Variants in WDHD1 observed in about 807,000 individuals in gnomAD.
WDHD1 encodes the protein WD repeat and HMG-box DNA binding protein 1.
A neutral mutation model predicts 135.4 loss-of-function variants in WDHD1; 111 were observed. The observed-to-expected ratio is 0.82, with a 90% CI of 0.70 to 0.96. The LOEUF is 0.96. Ranked by LOEUF, WDHD1 falls within the 40% of genes least tolerant of loss-of-function variation. WDHD1 has a pLI of 0.00. For synonymous variants in WDHD1, 434 were observed against 439.0 expected (o/e 0.99, Z 0.14); for missense variants, 1,351 against 1,336.3 (o/e 1.01, Z -0.17).
chr14:55,022,202 A>G (rs192659588), intron 2 of WDHD1, among the ~76,000 whole-genome samples: 22 of 152,356 alleles, frequency 1.4e-4, no homozygotes, highest in Non-Finnish European at 2.4e-4. Flanking sequence ...ACAAAGCATC[A>G]GTGAAACCAA....
chr14:55,014,518 TAATA>T (rs2042228703), intron 2 of WDHD1, among the ~76,000 whole-genome samples: 1 of 152,190 alleles, frequency 6.6e-6, no homozygotes, highest in East Asian at 1.9e-4. Flanking sequence ...ACAGAAACCT[TAATA>T]AATGTTTGTT....
chr14:54,984,195 C>G (rs1427261875), intron 15 of WDHD1, among the ~76,000 whole-genome samples: 1 of 152,146 alleles, frequency 6.6e-6, no homozygotes, highest in East Asian at 1.9e-4. Context: ...AATGAGAATT[C>G]TCATGAAGAG....
intron 12 of WDHD1, among the ~76,000 whole-genome samples, chr14:54,989,962 C>T (rs1291880515): frequency 6.6e-6 from 1 of 152,162 alleles, no homozygotes; most frequent in East Asian, 1.9e-4. Flanking sequence ...TCACGCCCGG[C>T]AGAGGCAACA....
chr14:55,022,551 G>A (rs1331067353), intron 2 of WDHD1, among the ~76,000 whole-genome samples: 1 of 152,000 alleles, frequency 6.6e-6, no homozygotes, highest in Non-Finnish European at 1.5e-5. Context: ...GTGTGGTGGT[G>A]TATGCCTGTA....
intron 23 of WDHD1, among the ~76,000 whole-genome samples, chr14:54,956,775 G>T (rs1595064440): frequency 6.6e-6 from 1 of 152,118 alleles, no homozygotes; most frequent in Non-Finnish European, 1.5e-5. Flanking sequence ...GTTTTTTTCA[G>T]ATGGGGTATC....
Position 54,939,000 on chromosome 14 carries a change from T to C in WDHD1, c.*2490A>G, listed in dbSNP as rs1794113027. 6.6e-6 allele frequency: 1 copy of C among 152,140 alleles called. No homozygotes were observed. The highest frequency in any genetic ancestry group is 1.5e-5 in the Non-Finnish European group (1 of 68,034). The allele number at this position is 152,140 out of a possible 1,614,324, so 9.4% of individuals were successfully genotyped here. A position where few individuals can be genotyped will look rare whatever the true frequency, so the allele number is the denominator to read the frequency against. Reference sequence around the variant, plus strand: ...AGGGTACATGCTGGGAACTGAGGGATGAAGTATATGCATATTCCAAATGGT... The same window carrying C: ...AGGGTACATGCTGGGAACTGAGGGACGAAGTATATGCATATTCCAAATGGT... On this transcript the variant is annotated 3_prime_UTR_variant, in exon 26 of 26. Transcript: ENST00000360586.
In WDHD1 at chr14:54,962,885, C is replaced by G. The variant is rs558233670; in HGVS notation, c.2532-32G>C. 2.5e-6 allele frequency: 4 copies of G among 1,610,570 alleles called. No individual in the cohort carries two copies. The East Asian group carries it at 8.9e-5, about 36-fold the overall frequency. ...GAAAATAATATTATTCAATAAAGAG[C>G]TATGCAAAGACCAACTTAACATTCA... On this transcript the variant is annotated intron_variant, in intron 19 of 25. Transcript: ENST00000360586.
intron 24 of WDHD1, among the ~76,000 whole-genome samples, chr14:54,951,595 T>G (rs2041054513): frequency 6.6e-6 from 1 of 152,226 alleles, no homozygotes; most frequent in African/African-American, 2.4e-5. Context: ...TTACCATTCC[T>G]TCTGAAACTA....
intron 18 of WDHD1, among the ~76,000 whole-genome samples, chr14:54,965,518 T>C (rs939600373): frequency 3.7e-4 from 56 of 152,266 alleles, no homozygotes; most frequent in African/African-American, 1.3e-3. Flanking sequence ...TACTCAAACT[T>C]TGTAAAATAA....
intron 2 of WDHD1, among the ~76,000 whole-genome samples, chr14:55,015,379 CAAAAAAAAAAAA>C (rs60609405): frequency 3.7e-5 from 2 of 54,454 alleles, no homozygotes; most frequent in Non-Finnish European, 6.0e-5. Context: ...GACACTGTCT[CAAAAAAAAAAAA>C]AAAAAAAAAA....
chr14:55,020,520 T>C (rs1198879780), intron 2 of WDHD1, among the ~76,000 whole-genome samples: 2 of 152,214 alleles, frequency 1.3e-5, no homozygotes, highest in Non-Finnish European at 2.9e-5. Flanking sequence ...TATTTTGGAG[T>C]ATCCTTGAAC....
At position 54,981,551 on chromosome 14, in the gene WDHD1, G is replaced by A. The variant is rs1230346627; in HGVS notation, c.2052C>T (p.Pro684=). 6.2e-7 allele frequency: 1 copy of A among 1,610,042 alleles called. No homozygotes were observed. The highest frequency in any genetic ancestry group is 1.3e-5 in the African/African-American group (1 of 74,750). The change falls in exon 16 of 26, where the codon CCC becomes CCT. Residue 684 remains proline, a synonymous_variant. Transcript: ENST00000360586. ...TTTTAATAGCCCACCTTAGTTGCTG[G>A]GGATTTTCATGGATACCAACCACCC... ...HYWVVGIHEN[P]QQLRCIPCKG... is the part of the protein sequence containing the mutation.
intron 7 of WDHD1, chr14:55,005,683 G>A: frequency 5.9e-6 from 3 of 505,232 alleles, no homozygotes; most frequent in Non-Finnish European, 1.1e-5. Context: ...AGAGGTTCTA[G>A]ACATTGTGAA....
At position 54,940,976 on chromosome 14, in the gene WDHD1, A is replaced by G. The variant is rs2040828560; in HGVS notation, c.*514T>C. ...AAGCCACATAGGAAATTTCCGAAACACAAAAGAAAAAGTCTCACCTACAAG... is the reference window on the plus strand; with the variant it reads ...AAGCCACATAGGAAATTTCCGAAACGCAAAAGAAAAAGTCTCACCTACAAG... On this transcript the variant is annotated 3_prime_UTR_variant, in exon 26 of 26. Coordinates refer to ENST00000360586, the MANE Select transcript of WDHD1 (RefSeq NM_007086.4). 6.6e-6 allele frequency: 1 copy of G among 152,246 alleles called. No homozygotes were observed. Among genetic ancestry groups the G allele is most frequent in the African/African-American group, 2.4e-5 (1 of 41,462 alleles). 9.4% of individuals were successfully genotyped at this position (152,246 alleles called of 1,614,324 possible). A position where few individuals can be genotyped will look rare whatever the true frequency, so the allele number is the denominator to read the frequency against.
At chr14:54,950,061 A>G (rs548005630) in intron 24 of WDHD1, among the ~76,000 whole-genome samples, 1,700 of 152,312 alleles carry the variant, frequency 0.011, 37 homozygotes, top group African/African-American at 0.039. Flanking sequence ...AAAGACCATC[A>G]AGGCTAGGAA....
intron 16 of WDHD1, among the ~76,000 whole-genome samples, chr14:54,970,884 A>T (rs1203467052): frequency 3.9e-5 from 6 of 152,192 alleles, no homozygotes; most frequent in Non-Finnish European, 7.3e-5. Context: ...ACTGGTGCAC[A>T]AACAGAAACA....
At chr14:54,964,638 C>CAA (rs112754983) in intron 18 of WDHD1, among the ~76,000 whole-genome samples, 4 of 126,634 alleles carry the variant, frequency 3.2e-5, no homozygotes, top group African/African-American at 1.2e-4. Flanking sequence ...GACTTCGTTT[C>CAA]AAAAAAAAAA....
intron 7 of WDHD1, chr14:55,005,475 A>T (rs1595114423): frequency 1.1e-5 from 6 of 565,494 alleles, no homozygotes; most frequent in Non-Finnish European, 1.7e-5. Flanking sequence ...CTGACATTGA[A>T]AGAGTTTTCA....
chr14:55,008,766 G>A lies in WDHD1; in HGVS notation c.342-47C>T, dbSNP rs774872199. On this transcript the variant is annotated intron_variant, in intron 4 of 25. Transcript: ENST00000360586. The stretch of plus-strand genomic sequence containing the variant: ...CAAATGAATAAATGCTAACACAAAG[G>A]CCTCTCCTAAAAGCTATGATCCAAA... 143 of 1,313,264 alleles carry A rather than the reference G, an allele frequency of 1.1e-4. No individual in the cohort carries two copies. The South Asian group carries it at 1.4e-3, about 13-fold the overall frequency. 81.4% of individuals were successfully genotyped at this position (1,313,264 alleles called of 1,614,324 possible).
Sources: allele counts gnomAD v4.1 joint callset (sites outside exome capture counted in the v4.1 genomes callset), GRCh38; gene constraint gnomAD v4.1.1; transcripts MANE v1.5; gene names NCBI Gene and HGNC (gene_info 2026-07-23, HGNC 2026-07-21).